DAB1: variants seen among roughly 807,000 people sequenced by gnomAD.
DAB1 encodes DAB adaptor protein 1.
DAB1 carries 15 observed loss-of-function variants against 64.6 expected under a neutral mutation model. The observed-to-expected ratio is 0.23, with a 90% CI of 0.16 to 0.36. The LOEUF is 0.36. Among genes scored for constraint, DAB1 ranks in the 10% least tolerant of loss-of-function variants. The probability of loss-of-function intolerance (pLI) is 1.00; values close to 1 mark genes in which losing one functional copy is unlikely to be tolerated. For missense variants in DAB1, 596 were observed against 706.7 expected (o/e 0.84, Z 1.78); for synonymous variants, 235 against 251.9 (o/e 0.93, Z 0.64).
chr1:57,862,669 G>A (rs929599134), intron 1 of DAB1: 4 of 152,110 alleles, frequency 2.6e-5, no homozygotes, highest in African/African-American at 9.7e-5. Flanking sequence ...TAAAGATGAC[G>A]AATACATTCA....
At chr1:57,827,219 C>A (rs1383410358) in intron 1 of DAB1, among the ~76,000 whole-genome samples, 2 of 152,086 alleles carry the variant, frequency 1.3e-5, no homozygotes, top group Admixed American at 6.5e-5. Flanking sequence ...TGCCCTTCTC[C>A]TATAGGACAT....
At chr1:57,625,915 C>G (rs996607329) in intron 7 of DAB1, among the ~76,000 whole-genome samples, 2 of 152,004 alleles carry the variant, frequency 1.3e-5, no homozygotes, top group Non-Finnish European at 2.9e-5. Flanking sequence ...CTGGGTCGAA[C>G]CTTTATTTTA....
intron 2 of DAB1, among the ~76,000 whole-genome samples, chr1:57,282,433 GCCA>G (rs1005733498): frequency 4.6e-5 from 7 of 152,088 alleles, no homozygotes; most frequent in African/African-American, 1.7e-4. Flanking sequence ...GGTGTATGCT[GCCA>G]GGGTTACAGT....
chr1:58,150,500 T>C (rs1338250728), intron 5 of DAB1: 1 of 151,824 alleles, frequency 6.6e-6, no homozygotes, highest in Non-Finnish European at 1.5e-5. Context: ...AGATAAAATG[T>C]GGCAACTTGC....
intron 2 of DAB1, among the ~76,000 whole-genome samples, chr1:57,242,531 T>C (rs1668570020): frequency 6.6e-6 from 1 of 152,112 alleles, no homozygotes; most frequent in Non-Finnish European, 1.5e-5. Flanking sequence ...CTTCTCAAGG[T>C]AAAAGCAGAA....
intron 7 of DAB1, among the ~76,000 whole-genome samples, chr1:57,602,222 T>C (rs1028528996): frequency 6.6e-6 from 1 of 152,228 alleles, no homozygotes; most frequent in Admixed American, 6.5e-5. Flanking sequence ...TTTATGTCTA[T>C]GATTTCCCTT....
intron 5 of DAB1, among the ~76,000 whole-genome samples, chr1:58,013,344 A>T (rs1646695228): frequency 6.6e-6 from 1 of 152,132 alleles, no homozygotes; most frequent in East Asian, 1.9e-4. Flanking sequence ...ACCCTAGAAA[A>T]GCAGTTGGGA....
intron 6 of DAB1, among the ~76,000 whole-genome samples, chr1:57,791,259 G>T: frequency 6.6e-6 from 1 of 152,178 alleles, no homozygotes; most frequent in Non-Finnish European, 1.5e-5. Context: ...CCCTGTGTTG[G>T]AACTTGACAT....
chr1:57,413,620 T>A (rs1022839513), intron 1 of DAB1, among the ~76,000 whole-genome samples: 1 of 151,682 alleles, frequency 6.6e-6, no homozygotes, highest in Admixed American at 6.6e-5. Context: ...GGCAGGTGCC[T>A]GTACTCCCAA....
At chr1:57,057,701 G>T (rs1052468608) in intron 9 of DAB1, among the ~76,000 whole-genome samples, 1 of 150,332 alleles carries the variant, frequency 6.7e-6, no homozygotes, top group South Asian at 2.1e-4. Flanking sequence ...TCTGCCTCCC[G>T]GGTTCACACC....
chr1:57,025,295 G>A (rs886866221), intron 10 of DAB1, among the ~76,000 whole-genome samples: 1 of 152,128 alleles, frequency 6.6e-6, no homozygotes, highest in Non-Finnish European at 1.5e-5. Context: ...TCTTCTTTTC[G>A]TTTTCAAATT....
chr1:57,822,404 G>A (rs1436495269), downstream of DAB1, among the ~76,000 whole-genome samples: 2 of 152,024 alleles, frequency 1.3e-5, no homozygotes, highest in African/African-American at 2.4e-5. Context: ...CTGGTTAGGG[G>A]GATCACTGGC....
At chr1:58,313,674 C>A (rs1569632883) in intron 4 of DAB1, among the ~76,000 whole-genome samples, 1 of 152,158 alleles carries the variant, frequency 6.6e-6, no homozygotes, top group East Asian at 1.9e-4. Flanking sequence ...TAACAAAATA[C>A]CATACCCTGG....
chr1:57,625,737 G>A (rs1282538423), intron 7 of DAB1, among the ~76,000 whole-genome samples: 1 of 152,072 alleles, frequency 6.6e-6, no homozygotes, highest in African/African-American at 2.4e-5. Flanking sequence ...GGAGGGAAAG[G>A]GAGGAGGGGA....
intron 2 of DAB1, among the ~76,000 whole-genome samples, chr1:57,213,446 C>G (rs931826493): frequency 8.4e-6 from 1 of 119,090 alleles, no homozygotes; most frequent in Non-Finnish European, 1.9e-5. Flanking sequence ...GAGATAGGGT[C>G]AGGGTGGACA....
chr1:57,064,765 G>A (rs566441299), intron 8 of DAB1, among the ~76,000 whole-genome samples: 2 of 152,246 alleles, frequency 1.3e-5, no homozygotes, highest in South Asian at 4.2e-4. Flanking sequence ...CAGAAAACAG[G>A]ACTGAGTGAG....
intron 6 of DAB1, among the ~76,000 whole-genome samples, chr1:57,722,114 G>A (rs1280124007): frequency 6.6e-6 from 1 of 152,156 alleles, no homozygotes; most frequent in Non-Finnish European, 1.5e-5. Flanking sequence ...TTTCTCATCA[G>A]TGTTGTCTCA....
chr1:58,260,637 A>G (rs1048904288), intron 4 of DAB1, among the ~76,000 whole-genome samples: 1 of 152,188 alleles, frequency 6.6e-6, no homozygotes, highest in Non-Finnish European at 1.5e-5. Context: ...AACCCCTGCC[A>G]TTCCTCAAAA....
At chr1:58,501,882 G>A (rs755175232) in intron 3 of DAB1, among the ~76,000 whole-genome samples, 3 of 152,084 alleles carry the variant, frequency 2.0e-5, no homozygotes, top group Middle Eastern at 3.2e-3. Context: ...AGGATTAGTA[G>A]CTTTATAAAA....
Sources: gnomAD v4.1 joint callset for allele counts (sites outside exome capture counted in the v4.1 genomes callset) on GRCh38, gnomAD v4.1.1 for gene constraint, MANE v1.5 for transcripts, NCBI Gene and HGNC (gene_info 2026-07-23, HGNC 2026-07-21) for gene names.